Variants in PAFAH1B1 observed in about 807,000 individuals in gnomAD.
PAFAH1B1 encodes the protein platelet-activating factor acetylhydrolase IB subunit beta.
Under a neutral mutation model 57.5 loss-of-function variants are expected in PAFAH1B1, and 2 were observed. The observed-to-expected ratio is 0.03, with a 90% CI of 0.01 to 0.11. The LOEUF is 0.11. Among genes scored for constraint, PAFAH1B1 ranks in the 10% least tolerant of loss-of-function variants. The pLI is 1.00. For missense variants in PAFAH1B1, 257 were observed against 512.0 expected (o/e 0.50, Z 4.81); for synonymous variants, 152 against 169.6 (o/e 0.90, Z 0.81).
At chr17:2,600,105 G>A (rs372344979) in intron 1 of PAFAH1B1, among the ~76,000 whole-genome samples, 4 of 148,512 alleles carry the variant, frequency 2.7e-5, no homozygotes, top group African/African-American at 7.5e-5. Context: ...TCAGTCTCCC[G>A]AGTAGCTGGG....
chr17:2,664,214 C>T (rs1355894856), intron 2 of PAFAH1B1, among the ~76,000 whole-genome samples: 1 of 152,064 alleles, frequency 6.6e-6, no homozygotes, highest in Admixed American at 6.6e-5. Context: ...GCCAGTAATC[C>T]CACCAGTTAT....
At chr17:2,667,394 T>G in intron 5 of PAFAH1B1, 196 bp downstream of exon 5, 1 of 539,220 alleles carries the variant, frequency 1.9e-6, no homozygotes, top group Non-Finnish European at 3.3e-6. Flanking sequence ...AATGAGGGCC[T>G]ATGAAGAGGG....
At chr17:2,639,298 G>A (rs2068666092) in intron 2 of PAFAH1B1, 1 of 152,148 alleles carries the variant, frequency 6.6e-6, no homozygotes, top group Non-Finnish European at 1.5e-5. Flanking sequence ...TTAGAAAAAT[G>A]AAAGCTGTTT....
At chr17:2,613,087 A>G (rs1317151563) in intron 1 of PAFAH1B1, among the ~76,000 whole-genome samples, 1 of 148,694 alleles carries the variant, frequency 6.7e-6, no homozygotes, top group Non-Finnish European at 1.5e-5. Context: ...TAGTGTCCAT[A>G]AAGTTTTGTT....
rs562331782 is a variant in PAFAH1B1 at position 2,677,722 on chromosome 17, C to A, written c.1002+1116C>A. 4.2e-4 allele frequency among the ~76,000 whole-genome samples: 64 copies of A among 151,610 alleles called. 1 individual carries two copies. The South Asian group carries it at 0.013, about 31-fold the overall frequency. ...ACAAAAAATTAGCCGGGCATCCTGG[C>A]GGGTGCCTGTAGTCCCAGCTACTTG... On this transcript the variant is annotated intron_variant, in intron 9 of 10. Coordinates refer to ENST00000397195, the MANE Select transcript of PAFAH1B1 (RefSeq NM_000430.4).
chr17:2,650,625 G>A (rs1272938885), intron 2 of PAFAH1B1, among the ~76,000 whole-genome samples: 1 of 120,604 alleles, frequency 8.3e-6, no homozygotes, highest in African/African-American at 3.2e-5. Flanking sequence ...GGGTGACAGA[G>A]CAAGACTCTG....
chr17:2,652,199 A>G (rs1285473560), intron 2 of PAFAH1B1, among the ~76,000 whole-genome samples: 1 of 152,084 alleles, frequency 6.6e-6, no homozygotes, highest in East Asian at 1.9e-4. Context: ...TCACGAGGTC[A>G]GGAGATCGAG....
At chr17:2,652,224 C>A (rs551180271) in intron 2 of PAFAH1B1, among the ~76,000 whole-genome samples, 138 of 151,912 alleles carry the variant, frequency 9.1e-4, no homozygotes, top group African/African-American at 3.1e-3. Flanking sequence ...TCCTGGCTAA[C>A]ACGGTGAAAC....
intron 1 of PAFAH1B1, among the ~76,000 whole-genome samples, chr17:2,621,972 A>G (rs2068430778): frequency 6.6e-6 from 1 of 152,192 alleles, no homozygotes; most frequent in African/African-American, 2.4e-5. Context: ...TGGCAAGAGA[A>G]AAATGAGGAA....
At chr17:2,650,960 T>TA (rs1193113056) in intron 2 of PAFAH1B1, among the ~76,000 whole-genome samples, 12 of 152,218 alleles carry the variant, frequency 7.9e-5, no homozygotes, top group African/African-American at 2.4e-4. Context: ...TTTTCCTTGA[T>TA]ACTACCTTTA....
At chr17:2,662,333 TTTTC>T (rs771649742) in intron 2 of PAFAH1B1, among the ~76,000 whole-genome samples, 4 of 152,012 alleles carry the variant, frequency 2.6e-5, no homozygotes, top group Non-Finnish European at 4.4e-5. Context: ...ATTTTAACCA[TTTTC>T]TTTTTTATTT....
chr17:2,654,835 T>G (rs1472110869), intron 2 of PAFAH1B1, among the ~76,000 whole-genome samples: 1 of 151,884 alleles, frequency 6.6e-6, no homozygotes, highest in African/African-American at 2.4e-5. Context: ...AGAGACAGAT[T>G]TTTGCCATGT....
chr17:2,638,451 G>T (rs930909687), intron 2 of PAFAH1B1, 131 bp downstream of exon 2: 1 of 735,586 alleles, frequency 1.4e-6, no homozygotes, highest in Non-Finnish European at 2.4e-6. Context: ...TATTAGTTTA[G>T]GCAGTTTGGT....
intron 1 of PAFAH1B1, among the ~76,000 whole-genome samples, chr17:2,634,980 T>C (rs574076765): frequency 2.6e-5 from 4 of 152,172 alleles, no homozygotes; most frequent in African/African-American, 7.2e-5. Flanking sequence ...CTGGCCAACA[T>C]GGTGAAACCC....
intron 1 of PAFAH1B1, among the ~76,000 whole-genome samples, chr17:2,628,075 C>T (rs1275139542): frequency 2.6e-5 from 4 of 152,156 alleles, no homozygotes; most frequent in Admixed American, 6.6e-5. Context: ...TTATTTCTTT[C>T]TCTTGTCTGA....
chr17:2,608,061 T>A (rs751843575), intron 1 of PAFAH1B1, among the ~76,000 whole-genome samples: 2 of 151,892 alleles, frequency 1.3e-5, no homozygotes, highest in Non-Finnish European at 2.9e-5. Flanking sequence ...TTGTATAATT[T>A]CTTATATATG....
In PAFAH1B1 at chr17:2,683,954, C is replaced by T. The variant is rs2069426348; in HGVS notation, c.*2152C>T. 1 of 152,612 alleles carries T rather than the reference C, an allele frequency of 6.6e-6. No homozygotes were observed. The highest frequency in any genetic ancestry group is 1.5e-5 in the Non-Finnish European group (1 of 68,042). The allele number at this position is 152,612 out of a possible 1,614,324, so 9.5% of individuals were successfully genotyped here. On this transcript the variant is annotated 3_prime_UTR_variant, in exon 11 of 11. Coordinates refer to ENST00000397195, the MANE Select transcript of PAFAH1B1 (RefSeq NM_000430.4). ...GGTAAGCCACAACATCTAGAAATCA[C>T]TCATAGATATTGAACAATAAAGGAG...
chr17:2,643,892 A>C (rs2068730766), intron 2 of PAFAH1B1, among the ~76,000 whole-genome samples: 1 of 152,068 alleles, frequency 6.6e-6, no homozygotes, highest in African/African-American at 2.4e-5. Flanking sequence ...TGTTAAAGAC[A>C]GATTCAACCC....
Position 2,608,545 on chromosome 17 carries a change from G to A in PAFAH1B1, c.-191+14539G>A, listed in dbSNP as rs147078155. ...GGGCTGGGTGTGGTGGCTCACAACT[G>A]TAATCTCAACACTTTGGGAGGCCAA... On this transcript the variant is annotated intron_variant, in intron 1 of 10. Coordinates refer to ENST00000397195, the MANE Select transcript of PAFAH1B1 (RefSeq NM_000430.4). 6.8e-4 allele frequency among the ~76,000 whole-genome samples: 103 copies of A among 152,304 alleles called. 1 individual carries two copies. Among genetic ancestry groups the A allele is most frequent in the African/African-American group, 2.4e-3 (98 of 41,564 alleles).
Sources: gnomAD v4.1 joint callset for allele counts (sites outside exome capture counted in the v4.1 genomes callset) on GRCh38, gnomAD v4.1.1 for gene constraint, MANE v1.5 for transcripts, NCBI Gene and HGNC (gene_info 2026-07-23, HGNC 2026-07-21) for gene names.